SWT1: variants seen among roughly 807,000 people sequenced by gnomAD.
SWT1 encodes the protein transcriptional protein SWT1.
A neutral mutation model predicts 107.3 loss-of-function variants in SWT1; 33 were observed. The observed-to-expected ratio is 0.31, with a 90% CI of 0.23 to 0.41. The LOEUF is 0.41. SWT1 is among the 10% of genes least tolerant of loss of function. The pLI is 1.00. For missense variants in SWT1, 898 were observed against 1,028.9 expected (o/e 0.87, Z 1.74); for synonymous variants, 345 against 348.3 (o/e 0.99, Z 0.11).
rs144436547 is a variant in SWT1 at position 185,209,545 on chromosome 1, G to C, written c.1972+2782G>C. Reference sequence around the variant, plus strand: ...CACTTTCATCCATGTCCCTGCAAAGGAGATGAATTCATCCTTTTTTATGGC... The same window carrying C: ...CACTTTCATCCATGTCCCTGCAAAGCAGATGAATTCATCCTTTTTTATGGC... On this transcript the variant is annotated intron_variant, in intron 13 of 18. Transcript: ENST00000367500. Among the ~76,000 whole-genome samples the C allele has an allele frequency of 6.2e-4, 95 of 152,262 alleles. 1 individual carries two copies. The East Asian group carries it at 0.018, about 29-fold the overall frequency.
intron 16 of SWT1, among the ~76,000 whole-genome samples, chr1:185,254,189 T>C: frequency 8.9e-6 from 1 of 112,274 alleles, no homozygotes; most frequent in Admixed American, 9.2e-5. Flanking sequence ...GCCAGTATTT[T>C]ATTGAGGATT....
At chr1:185,168,501 C>A in intron 4 of SWT1, 103 bp downstream of exon 4, 2 of 501,488 alleles carry the variant, frequency 4.0e-6, no homozygotes, top group Non-Finnish European at 6.3e-6. Context: ...GACTGCTTTG[C>A]ATGCAAATAT....
intron 17 of SWT1, among the ~76,000 whole-genome samples, chr1:185,272,816 G>T (rs1054349487): frequency 6.6e-6 from 1 of 151,884 alleles, no homozygotes; most frequent in Non-Finnish European, 1.5e-5. Flanking sequence ...TCAGTGGATC[G>T]CTTGAACCCA....
At chr1:185,204,079 C>A (rs1658107118) in intron 11 of SWT1, among the ~76,000 whole-genome samples, 1 of 151,976 alleles carries the variant, frequency 6.6e-6, no homozygotes, top group Admixed American at 6.6e-5. Context: ...ATAAAAGCTC[C>A]TTTTAAAGGA....
intron 10 of SWT1, 54 bp downstream of exon 10, chr1:185,190,696 T>TA (rs1370126646): frequency 5.3e-6 from 6 of 1,140,006 alleles, no homozygotes; most frequent in Non-Finnish European, 6.4e-6. Flanking sequence ...CCAAATAATT[T>TA]AAAAAAATCA....
chr1:185,170,933 CA>C (rs528496915), intron 4 of SWT1, among the ~76,000 whole-genome samples: 41 of 152,298 alleles, frequency 2.7e-4, no homozygotes, highest in Admixed American at 8.5e-4. Context: ...AGGCAGACGT[CA>C]CCTGTTTTCT....
In SWT1 at chr1:185,270,688, G is replaced by A. The variant is rs138775404; in HGVS notation, c.2442-635G>A. Among the ~76,000 whole-genome samples, 723 of 152,286 alleles carry A rather than the reference G, an allele frequency of 4.7e-3. 5 individuals carry two copies. Among genetic ancestry groups the A allele is most frequent in the African/African-American group, 0.016 (671 of 41,562 alleles). Reference sequence around the variant, plus strand: ...CACACCACTGCACTACAGCCTGGGCGACAGAGTGAGACCTGGTCTCAAAAA... The same window carrying A: ...CACACCACTGCACTACAGCCTGGGCAACAGAGTGAGACCTGGTCTCAAAAA... On this transcript the variant is annotated intron_variant, in intron 16 of 18. Coordinates refer to ENST00000367500, the MANE Select transcript of SWT1 (RefSeq NM_017673.7).
At chr1:185,232,569 GAT>G (rs1292717562) in intron 16 of SWT1, among the ~76,000 whole-genome samples, 2 of 152,202 alleles carry the variant, frequency 1.3e-5, no homozygotes, top group African/African-American at 4.8e-5. Context: ...TTTTAATAGA[GAT>G]ATATATATGC....
intron 11 of SWT1, among the ~76,000 whole-genome samples, chr1:185,203,623 GA>G (rs1432748352): frequency 5.3e-3 from 601 of 113,060 alleles, no homozygotes; most frequent in Non-Finnish European, 8.2e-3. Context: ...CTCCGTCTCA[GA>G]AAAAAAAAAA....
intron 16 of SWT1, among the ~76,000 whole-genome samples, chr1:185,257,681 G>C (rs968238763): frequency 6.6e-6 from 1 of 152,234 alleles, no homozygotes; most frequent in Non-Finnish European, 1.5e-5. Context: ...CCCACTGTCT[G>C]GCACTCCCTA....
intron 13 of SWT1, among the ~76,000 whole-genome samples, chr1:185,208,510 T>A (rs1658509854): frequency 6.6e-6 from 1 of 152,148 alleles, no homozygotes; most frequent in African/African-American, 2.4e-5. Flanking sequence ...AGAATATTCC[T>A]ATCACAAAGA....
At chr1:185,233,966 G>C (rs917465292) in intron 16 of SWT1, among the ~76,000 whole-genome samples, 4 of 152,000 alleles carry the variant, frequency 2.6e-5, no homozygotes, top group Non-Finnish European at 4.4e-5. Flanking sequence ...GGATGGTCTC[G>C]ATCTCCTGAC....
At chr1:185,214,686 A>G (rs1399481653) in intron 14 of SWT1, 31 bp downstream of exon 14, 1 of 1,568,660 alleles carries the variant, frequency 6.4e-7, no homozygotes. Context: ...CAGTTAGAGT[A>G]GCTAATTATA....
At chr1:185,208,784 G>C (rs551232415) in intron 13 of SWT1, among the ~76,000 whole-genome samples, 106 of 149,504 alleles carry the variant, frequency 7.1e-4, no homozygotes, top group Middle Eastern at 3.5e-3. Flanking sequence ...CATTTACTCA[G>C]GAGTAAGGAA....
chr1:185,233,123 G>A (rs1035865061), intron 16 of SWT1, among the ~76,000 whole-genome samples: 5 of 152,124 alleles, frequency 3.3e-5, no homozygotes, highest in African/African-American at 1.2e-4. Context: ...CTATAGGTCT[G>A]TGTCCTCTAG....
At position 185,234,028 on chromosome 1, in the gene SWT1, G is replaced by A. The variant is rs566511704; in HGVS notation, c.2441+2320G>A. ...CAAAGTGCTGGGATTACAGGCGTGA[G>A]CCTCTGCGCCCGGCCTAATTTTAAA... On this transcript the variant is annotated intron_variant, in intron 16 of 18. Coordinates refer to ENST00000367500, the MANE Select transcript of SWT1 (RefSeq NM_017673.7). Among the ~76,000 whole-genome samples the A allele has an allele frequency of 1.9e-4, 29 of 152,328 alleles. No individual in the cohort carries two copies. In the South Asian group the frequency reaches 4.6e-3, roughly 24 times the overall value.
chr1:185,164,500 T>C (rs1205401422), intron 2 of SWT1, among the ~76,000 whole-genome samples: 1 of 152,228 alleles, frequency 6.6e-6, no homozygotes, highest in African/African-American at 2.4e-5. Flanking sequence ...GAAAATCCGT[T>C]GTTTAGTGTA....
At position 185,257,011 on chromosome 1, in the gene SWT1, C is replaced by T. The variant is rs144510810; in HGVS notation, c.2442-14312C>T. ...TTTTCCTTCTAACAGACAGGACCCT[C>T]AGCTTCAGGTGTGTTGGAATACCCT... On this transcript the variant is annotated intron_variant, in intron 16 of 18. Coordinates refer to ENST00000367500, the MANE Select transcript of SWT1 (RefSeq NM_017673.7). Among the ~76,000 whole-genome samples, 747 of 152,228 alleles carry T rather than the reference C, an allele frequency of 4.9e-3. 6 individuals carry two copies. Among genetic ancestry groups the T allele is most frequent in the African/African-American group, 0.017 (696 of 41,520 alleles).
intron 15 of SWT1, chr1:185,227,831 A>C: frequency 3.7e-6 from 1 of 266,770 alleles, no homozygotes; most frequent in Non-Finnish European, 7.3e-6. Context: ...CATGTCTGTA[A>C]TCCCAGCACT....
Sources: gnomAD v4.1 joint callset for allele counts (sites outside exome capture counted in the v4.1 genomes callset) on GRCh38, gnomAD v4.1.1 for gene constraint, MANE v1.5 for transcripts, NCBI Gene and HGNC (gene_info 2026-07-23, HGNC 2026-07-21) for gene names.